Variants in KMT5B observed in about 807,000 individuals in gnomAD.
KMT5B encodes the protein histone-lysine N-methyltransferase KMT5B.
KMT5B carries 10 observed loss-of-function variants against 83.2 expected under a neutral mutation model. The ratio of observed to expected loss-of-function variants is 0.12; its 90% CI spans 0.07 to 0.20. The LOEUF is 0.20. KMT5B is among the 10% of genes least tolerant of loss of function. KMT5B has a pLI of 1.00. For synonymous variants in KMT5B, 349 were observed against 388.8 expected (o/e 0.90, Z 1.20); for missense variants, 753 against 1,067.2 (o/e 0.71, Z 4.10).
chr11:68,183,197 C>T (rs529068608), intron 3 of KMT5B, among the ~76,000 whole-genome samples: 30 of 147,614 alleles, frequency 2.0e-4, no homozygotes, highest in African/African-American at 7.5e-4. Context: ...TTCATTCACA[C>T]ATTCACATTT....
chr11:68,210,000 G>A (rs1386164082), intron 1 of KMT5B, among the ~76,000 whole-genome samples: 2 of 152,020 alleles, frequency 1.3e-5, no homozygotes, highest in Admixed American at 1.3e-4. Flanking sequence ...CGGAGTAGCT[G>A]GGACTACAGG....
intron 10 of KMT5B, chr11:68,166,086 C>CT: frequency 6.7e-7 from 1 of 1,496,896 alleles, no homozygotes; most frequent in East Asian, 2.4e-5. Context: ...CAAAGGCATA[C>CT]TTTCGGAATC....
intron 1 of KMT5B, among the ~76,000 whole-genome samples, chr11:68,195,871 T>A (rs1418613436): frequency 2.0e-5 from 3 of 152,116 alleles, no homozygotes; most frequent in Non-Finnish European, 2.9e-5. Context: ...TAAAATGAAT[T>A]TTTGGCCAGG....
chr11:68,190,213 T>C (rs1857882478), intron 1 of KMT5B, 61 bp from the exon 2 acceptor site: 2 of 729,008 alleles, frequency 2.7e-6, no homozygotes, highest in Non-Finnish European at 4.7e-6. Context: ...TGAAAGATCA[T>C]GCTAAACAGA....
chr11:68,160,451 G>T (rs548010392), intron 10 of KMT5B, among the ~76,000 whole-genome samples: 1 of 152,106 alleles, frequency 6.6e-6, no homozygotes, highest in Non-Finnish European at 1.5e-5. Context: ...GAGAAGCCAC[G>T]ATAACAAAAC....
rs981307119 is a variant in KMT5B, at chr11:68,156,420, CAAATT to C, written c.*1263_*1267del. Reference sequence around the variant, plus strand: ...TAATTTCTCAAAGTGCTTCAAAAAACAAATTAAATCTGACTCCTTTTTGTTTAACT... The same window carrying C: ...TAATTTCTCAAAGTGCTTCAAAAAACAAATCTGACTCCTTTTTGTTTAACT... On this transcript the variant is annotated 3_prime_UTR_variant, in exon 11 of 11. Transcript: ENST00000304363. 1.3e-5 allele frequency: 2 copies of C among 152,568 alleles called. No individual in the cohort carries two copies. The highest frequency in any genetic ancestry group is 2.9e-5 in the Non-Finnish European group (2 of 68,000). The allele number at this position is 152,568 out of a possible 1,614,324, so 9.5% of individuals were successfully genotyped here. A position where few individuals can be genotyped will look rare whatever the true frequency, so the allele number is the denominator to read the frequency against.
intron 10 of KMT5B, chr11:68,165,846 G>A (rs1457406361): frequency 9.9e-6 from 16 of 1,612,338 alleles, no homozygotes; most frequent in South Asian, 2.2e-5. Flanking sequence ...TATGCTACAC[G>A]GGTTATGCTT....
intron 10 of KMT5B, among the ~76,000 whole-genome samples, chr11:68,164,143 C>T (rs762205752): frequency 6.6e-6 from 1 of 152,224 alleles, no homozygotes; most frequent in Non-Finnish European, 1.5e-5. Context: ...TTTGTGAAAA[C>T]GGATTCCTTG....
intron 1 of KMT5B, among the ~76,000 whole-genome samples, chr11:68,210,506 T>C (rs776211012): frequency 8.6e-5 from 13 of 151,592 alleles, no homozygotes; most frequent in Non-Finnish European, 1.9e-4. Flanking sequence ...GTCTAGGCCC[T>C]ATCAATGACT....
chr11:68,208,639 T>C (rs920480221), intron 1 of KMT5B, among the ~76,000 whole-genome samples: 16 of 152,094 alleles, frequency 1.1e-4, no homozygotes, highest in Non-Finnish European at 1.8e-4. Context: ...GAGAGACTAA[T>C]GTAAGAATGG....
At chr11:68,170,543 G>A (rs1855745212) in intron 9 of KMT5B, among the ~76,000 whole-genome samples, 1 of 152,192 alleles carries the variant, frequency 6.6e-6, no homozygotes, top group Admixed American at 6.5e-5. Flanking sequence ...CAGGACTCTT[G>A]ATGAGACATA....
chr11:68,207,452 G>T (rs969488574), intron 1 of KMT5B, among the ~76,000 whole-genome samples: 2 of 151,972 alleles, frequency 1.3e-5, no homozygotes, highest in African/African-American at 4.8e-5. Context: ...AAAAAAAACT[G>T]AAGTGAAGTC....
chr11:68,180,776 G>T (rs1310715227), intron 3 of KMT5B, among the ~76,000 whole-genome samples: 1 of 152,066 alleles, frequency 6.6e-6, no homozygotes. Flanking sequence ...TGAAAGCATC[G>T]ATCCCTTTCT....
Position 68,171,628 on chromosome 11 carries a change from A to G in KMT5B, c.735T>C (p.His245=). 2 of 1,614,092 alleles carry G rather than the reference A, an allele frequency of 1.2e-6. No homozygotes were observed. Among genetic ancestry groups the G allele is most frequent in the Non-Finnish European group, 1.7e-6 (2 of 1,179,932 alleles). ...SEIEENMLLR[H]GENDFSVMYS... is the part of the protein sequence containing the mutation. ...ACATGACACTGAAGTCGTTTTCTCC[A>G]TGTCTAAGTAGCATGTTCTCCTCAA... Residue 245 remains histidine (H), a synonymous_variant, in exon 7 of 11, where the codon CAT becomes CAC. Transcript: ENST00000304363. The surrounding 1 kb of genome is among the most constrained non-coding windows in gnomAD (Gnocchi z 5.1).
intron 1 of KMT5B, among the ~76,000 whole-genome samples, chr11:68,202,358 G>A (rs1859542311): frequency 6.6e-6 from 1 of 152,132 alleles, no homozygotes; most frequent in Non-Finnish European, 1.5e-5. Flanking sequence ...CCACCACAGG[G>A]CCTTTGCACT....
intron 4 of KMT5B, chr11:68,179,682 GA>G (rs1247185691): frequency 1.8e-5 from 20 of 1,105,396 alleles, no homozygotes; most frequent in Non-Finnish European, 2.3e-5. Context: ...GAGGAAGAGA[GA>G]AAAATGCTCA....
chr11:68,205,505 T>C (rs1859982986), intron 1 of KMT5B, among the ~76,000 whole-genome samples: 1 of 152,228 alleles, frequency 6.6e-6, no homozygotes, highest in Non-Finnish European at 1.5e-5. Flanking sequence ...TGAACATTTT[T>C]CTATTTATAT....
chr11:68,175,135 T>C lies in KMT5B; in HGVS notation c.426A>G (p.Glu142=). 6.2e-7 allele frequency: 1 copy of C among 1,613,994 alleles called. No individual in the cohort carries two copies. Among genetic ancestry groups the C allele is most frequent in the Non-Finnish European group, 8.5e-7 (1 of 1,179,936 alleles). The change falls in exon 5 of 11, where the codon GAA becomes GAG. Residue 142 remains glutamate (E), a synonymous_variant. Transcript: ENST00000304363. ...CCAAGTGTTCATCTTTCTTAAAACG[T>C]TCAATTACTTCCTTTAGTTCTTCCT... ...GRQEELKEVI[E]RFKKDEHLEK...
chr11:68,157,948 C>T lies in KMT5B; in HGVS notation c.2398G>A (p.Val800Met). The change falls in exon 11 of 11, where the codon GTG (valine) becomes ATG (methionine). Residue 800 changes from valine (V) to methionine (M), a missense_variant. This residue lies in a region of KMT5B where 161 missense variants were observed against 195.1 expected (regional missense o/e 0.83). Transcript: ENST00000304363. The part of the protein sequence containing the change: ...SYTEGLHENG[V>M]CCSDPLSLLE... ...AGAGAAAGAGGATCACTGCAGCACA[C>T]CCCATTTTCATGAAGCCCCTCTGTA... 1 of 1,614,174 alleles carries T rather than the reference C, an allele frequency of 6.2e-7. No individual in the cohort carries two copies. The highest frequency in any genetic ancestry group is 8.5e-7 in the Non-Finnish European group (1 of 1,180,030).
Sources: allele counts gnomAD v4.1 joint callset (sites outside exome capture counted in the v4.1 genomes callset), GRCh38; gene constraint gnomAD v4.1.1; regional missense constraint gnomAD v4.1.1; non-coding constraint Gnocchi (gnomAD v3.1); transcripts MANE v1.5; gene names NCBI Gene and HGNC (gene_info 2026-07-23, HGNC 2026-07-21).